Variants in TMEM17 observed in about 807,000 individuals in gnomAD.
TMEM17 encodes transmembrane protein 17.
Under a neutral mutation model 19.1 loss-of-function variants are expected in TMEM17, and 15 were observed. That is an observed-to-expected ratio of 0.78 (90% CI 0.52 to 1.21). The LOEUF (loss-of-function observed/expected upper bound fraction) is 1.21, where lower values mean the gene tolerates loss of function less well. TMEM17 is among the 50% of genes most tolerant of loss of function. The pLI is 0.00. For missense variants in TMEM17, 245 were observed against 242.3 expected, an observed-to-expected ratio of 1.01 and a Z score of -0.07; for synonymous variants, 103 against 86.9, an observed-to-expected ratio of 1.19 and a Z score of -1.03.
At chr2:62,497,083 T>G (rs960111376), downstream of TMEM17, among the ~76,000 whole-genome samples, 1 of 152,254 alleles carries the variant, frequency 6.6e-6, no homozygotes, top group African/African-American at 2.4e-5. Context: ...AAGACCCTCC[T>G]AATATCTGTT....
At chr2:62,488,083 T>A in the TMEM17 span, among the ~76,000 whole-genome samples, 1 of 152,196 alleles carries the variant, frequency 6.6e-6, no homozygotes, top group African/African-American at 2.4e-5. Flanking sequence ...TAGATGACAA[T>A]GCCTATCAAA....
the TMEM17 span, among the ~76,000 whole-genome samples, chr2:62,455,796 T>C: frequency 6.6e-6 from 1 of 152,194 alleles, no homozygotes; most frequent in Admixed American, 6.5e-5. Context: ...CAAACTATTT[T>C]CCAAGTCAGT....
At chr2:62,480,232 T>G in the TMEM17 span, among the ~76,000 whole-genome samples, 2 of 152,182 alleles carry the variant, frequency 1.3e-5, no homozygotes, top group Non-Finnish European at 2.9e-5. Flanking sequence ...AAATGTCTAC[T>G]CAGATCATTT....
At chr2:62,492,442 A>T in the TMEM17 span, among the ~76,000 whole-genome samples, 2 of 152,228 alleles carry the variant, frequency 1.3e-5, no homozygotes, top group Non-Finnish European at 2.9e-5. Flanking sequence ...AGTTTTGGGG[A>T]TCCAGCAAAA....
chr2:62,488,493 G>T, the TMEM17 span, among the ~76,000 whole-genome samples: 3 of 119,206 alleles, frequency 2.5e-5, no homozygotes, highest in East Asian at 4.8e-4. Flanking sequence ...GATGAGTTTT[G>T]AAAAAAAAAA....
chr2:62,465,890 CA>C, the TMEM17 span, among the ~76,000 whole-genome samples: 3 of 152,048 alleles, frequency 2.0e-5, no homozygotes, highest in Non-Finnish European at 2.9e-5. Context: ...ACCAGACAGG[CA>C]AAAGCAGAAG....
chr2:62,453,991 C>T, the TMEM17 span, among the ~76,000 whole-genome samples: 1,703 of 152,342 alleles, frequency 0.011, 36 homozygotes, highest in African/African-American at 0.039. Flanking sequence ...GGGCCACATT[C>T]TCTGCAGTGC....
At chr2:62,466,615 G>C in the TMEM17 span, among the ~76,000 whole-genome samples, 2 of 152,164 alleles carry the variant, frequency 1.3e-5, no homozygotes, top group African/African-American at 4.8e-5. Flanking sequence ...CCCTCCCTGA[G>C]CTGGCACACT....
Position 62,506,102 on chromosome 2 carries a change from G to C in TMEM17, c.28C>G (p.Arg10Gly), listed in dbSNP as rs1680068948. Residue 10 changes from arginine to glycine, a missense_variant, in exon 1 of 4, where the codon CGG becomes GGG. By Grantham distance (125) the Arg-to-Gly change is moderately radical. Coordinates refer to ENST00000335390, the MANE Select transcript of TMEM17 (RefSeq NM_198276.3). MELPDPVRQRLGNFSRAVFS... is the reference protein window; with the variant it reads MELPDPVRQGLGNFSRAVFS... ...ACGGCCCGGCTGAAGTTTCCCAGCC[G>C]CTGGCGCACCGGATCCGGCAGCTCC... The C allele has an allele frequency of 6.2e-7, 1 of 1,610,808 alleles. No homozygotes were observed. Among genetic ancestry groups the C allele is most frequent in the Non-Finnish European group, 8.5e-7 (1 of 1,178,786 alleles).
At chr2:62,490,442 T>G in the TMEM17 span, among the ~76,000 whole-genome samples, 1 of 152,090 alleles carries the variant, frequency 6.6e-6, no homozygotes. Context: ...ATTTTTATTT[T>G]TTGTAGACAC....
At chr2:62,505,946 G>C (rs1179107888) in intron 1 of TMEM17, 84 bp downstream of exon 1, 17 of 1,295,960 alleles carry the variant, frequency 1.3e-5, no homozygotes, top group African/African-American at 1.5e-5. Context: ...CGCCATTTTA[G>C]GTACGGGCAA....
the TMEM17 span, among the ~76,000 whole-genome samples, chr2:62,493,218 G>A: frequency 2.6e-5 from 4 of 151,972 alleles, no homozygotes; most frequent in South Asian, 6.2e-4. Context: ...TGTAGAGACA[G>A]GGCATCACTA....
intron 1 of TMEM17, among the ~76,000 whole-genome samples, chr2:62,505,476 A>T (rs10191279): frequency 0.031 from 4,684 of 149,728 alleles, 184 homozygotes; most frequent in African/African-American, 0.096. Context: ...TTTTTTTTTT[A>T]ATGTCTTCTA....
chr2:62,459,435 G>A, the TMEM17 span, among the ~76,000 whole-genome samples: 11 of 152,374 alleles, frequency 7.2e-5, no homozygotes, highest in East Asian at 1.2e-3. Context: ...CTTGCTGCTC[G>A]GGCAGGGCCC....
chr2:62,486,542 T>A, the TMEM17 span, among the ~76,000 whole-genome samples: 2 of 152,220 alleles, frequency 1.3e-5, no homozygotes, highest in African/African-American at 2.4e-5. Flanking sequence ...ATCTGGAACC[T>A]GACTCACAGA....
At chr2:62,458,044 T>TA in the TMEM17 span, among the ~76,000 whole-genome samples, 3 of 152,206 alleles carry the variant, frequency 2.0e-5, no homozygotes, top group Non-Finnish European at 4.4e-5. Context: ...TTCGCTCCTT[T>TA]CTACCTGTTT....
the TMEM17 span, among the ~76,000 whole-genome samples, chr2:62,468,172 C>T: frequency 6.6e-6 from 1 of 152,100 alleles, no homozygotes. Flanking sequence ...GAGCCCTGTC[C>T]TGGTGCTCTT....
the TMEM17 span, among the ~76,000 whole-genome samples, chr2:62,460,692 C>T: frequency 2.2e-4 from 34 of 152,192 alleles, no homozygotes; most frequent in Non-Finnish European, 4.0e-4. Context: ...TTTTCCCAGT[C>T]ATTATTTTTA....
At chr2:62,467,985 C>T in the TMEM17 span, among the ~76,000 whole-genome samples, 5 of 151,474 alleles carry the variant, frequency 3.3e-5, no homozygotes, top group Non-Finnish European at 5.9e-5. Context: ...AGCAAATCCT[C>T]GGGGTACTCA....
Sources: gnomAD v4.1 joint callset for allele counts (sites outside exome capture counted in the v4.1 genomes callset) on GRCh38, gnomAD v4.1.1 for gene constraint, MANE v1.5 for transcripts, NCBI Gene and HGNC (gene_info 2026-07-23, HGNC 2026-07-21) for gene names.